Variants in DYNC1I1 observed in about 807,000 individuals in gnomAD.
DYNC1I1 encodes dynein cytoplasmic 1 intermediate chain 1.
A neutral mutation model predicts 86.6 loss-of-function variants in DYNC1I1; 43 were observed. The observed-to-expected ratio is 0.50, with a 90% CI of 0.39 to 0.64. The LOEUF (loss-of-function observed/expected upper bound fraction) is 0.64, where lower values mean the gene tolerates loss of function less well. DYNC1I1 is among the 30% of genes least tolerant of loss of function. The pLI is 0.00. For missense variants in DYNC1I1, 604 were observed against 788.8 expected, an observed-to-expected ratio of 0.77 and a Z score of 2.81; for synonymous variants, 262 against 283.7, an observed-to-expected ratio of 0.92 and a Z score of 0.77.
chr7:95,866,441 T>C (rs1790020167), intron 5 of DYNC1I1, among the ~76,000 whole-genome samples: 1 of 152,182 alleles, frequency 6.6e-6, no homozygotes, highest in Admixed American at 6.5e-5. Flanking sequence ...AGTTTTTAAG[T>C]ACATGGCCCT....
At chr7:96,062,914 G>A (rs1460217905) in intron 14 of DYNC1I1, among the ~76,000 whole-genome samples, 2 of 152,012 alleles carry the variant, frequency 1.3e-5, no homozygotes, top group Admixed American at 1.3e-4. Flanking sequence ...TATAATTTCT[G>A]GTTCAAGCTG....
intron 10 of DYNC1I1, among the ~76,000 whole-genome samples, chr7:96,022,777 A>T (rs1459291677): frequency 3.3e-5 from 5 of 151,942 alleles, no homozygotes; most frequent in Admixed American, 3.3e-4. Context: ...AGACAGGAGG[A>T]TCACTTGAGC....
At chr7:95,824,526 A>G (rs1795163109) in intron 4 of DYNC1I1, among the ~76,000 whole-genome samples, 1 of 152,228 alleles carries the variant, frequency 6.6e-6, no homozygotes, top group Non-Finnish European at 1.5e-5. Flanking sequence ...TATCACCATC[A>G]TTTTATTTTC....
At chr7:95,778,121 A>G (rs964892449) in intron 1 of DYNC1I1, among the ~76,000 whole-genome samples, 4 of 152,224 alleles carry the variant, frequency 2.6e-5, no homozygotes, top group African/African-American at 9.6e-5. Context: ...GTTAAGCACC[A>G]CAGTAAAATT....
intron 14 of DYNC1I1, among the ~76,000 whole-genome samples, chr7:96,047,971 C>T (rs1005470682): frequency 2.0e-5 from 3 of 151,818 alleles, no homozygotes; most frequent in African/African-American, 7.3e-5. Flanking sequence ...ATTGGCAAGA[C>T]TAAAAAAAGG....
chr7:96,045,557 G>A (rs1026949466), intron 14 of DYNC1I1, among the ~76,000 whole-genome samples: 2 of 152,200 alleles, frequency 1.3e-5, no homozygotes, highest in African/African-American at 4.8e-5. Flanking sequence ...GGAGGCCTAA[G>A]AAGCGGTAAA....
chr7:95,987,211 A>T, intron 9 of DYNC1I1, 56 bp downstream of exon 9: 1 of 1,461,480 alleles, frequency 6.8e-7, no homozygotes, highest in Non-Finnish European at 9.5e-7. Flanking sequence ...TGGCATTTGT[A>T]TAAAAAAATA....
At chr7:96,002,449 A>C (rs1351003991) in intron 10 of DYNC1I1, among the ~76,000 whole-genome samples, 1 of 152,198 alleles carries the variant, frequency 6.6e-6, no homozygotes, top group South Asian at 2.1e-4. Context: ...GCCTGGAATT[A>C]TAATTTGGAT....
chr7:95,836,023 A>G (rs554846379), intron 5 of DYNC1I1, among the ~76,000 whole-genome samples: 1,590 of 152,258 alleles, frequency 0.01, 17 homozygotes, highest in South Asian at 0.017. Flanking sequence ...TGATGATGTT[A>G]GCTGGTTGTT....
At chr7:96,051,539 C>A (rs1274909179) in intron 14 of DYNC1I1, among the ~76,000 whole-genome samples, 1 of 152,186 alleles carries the variant, frequency 6.6e-6, no homozygotes, top group Non-Finnish European at 1.5e-5. Flanking sequence ...CTGAATATAT[C>A]TTGACATTGT....
intron 6 of DYNC1I1, among the ~76,000 whole-genome samples, chr7:95,974,878 G>T (rs1793263825): frequency 6.6e-6 from 1 of 152,152 alleles, no homozygotes; most frequent in African/African-American, 2.4e-5. Flanking sequence ...TCCCTGCAAA[G>T]CCTCCTTACC....
intron 16 of DYNC1I1, among the ~76,000 whole-genome samples, chr7:96,108,499 A>G (rs1791254172): frequency 6.6e-6 from 1 of 152,164 alleles, no homozygotes; most frequent in Admixed American, 6.6e-5. Flanking sequence ...AGATTTTTGC[A>G]GAATTTTCAT....
At chr7:95,824,319 A>G (rs1279041043) in intron 4 of DYNC1I1, among the ~76,000 whole-genome samples, 2 of 151,916 alleles carry the variant, frequency 1.3e-5, no homozygotes, top group African/African-American at 2.4e-5. Context: ...ATCTCCTCAT[A>G]AGAGCTGTAG....
At chr7:96,103,159 C>T (rs1335637373), downstream of DYNC1I1, among the ~76,000 whole-genome samples, 1 of 152,034 alleles carries the variant, frequency 6.6e-6, no homozygotes, top group African/African-American at 2.4e-5. Context: ...TCTGTGTGAG[C>T]CGCTGAAAGA....
intron 14 of DYNC1I1, among the ~76,000 whole-genome samples, chr7:96,055,092 G>A (rs1039801410): frequency 1.3e-5 from 2 of 152,152 alleles, no homozygotes; most frequent in African/African-American, 2.4e-5. Flanking sequence ...GGTTTTTATG[G>A]TTTTAGGTCT....
At chr7:95,920,583 T>C (rs965542332) in intron 6 of DYNC1I1, among the ~76,000 whole-genome samples, 8 of 152,218 alleles carry the variant, frequency 5.3e-5, no homozygotes, top group Non-Finnish European at 7.3e-5. Flanking sequence ...AAAAGGAGAC[T>C]GTATTGCCTT....
intron 10 of DYNC1I1, 128 bp from the exon 11 acceptor site, chr7:96,028,043 TCCCA>T: frequency 7.6e-7 from 1 of 1,313,438 alleles, no homozygotes; most frequent in Non-Finnish European, 1.0e-6. Context: ...ACTTTTACAG[TCCCA>T]GCTTTAAATT....
At chr7:95,935,926 C>T (rs1792028932) in intron 6 of DYNC1I1, among the ~76,000 whole-genome samples, 1 of 151,954 alleles carries the variant, frequency 6.6e-6, no homozygotes, top group African/African-American at 2.4e-5. Context: ...TACCTGCTAG[C>T]ATGGTTATTA....
chr7:95,775,266 A>G (rs981556085), intron 1 of DYNC1I1, among the ~76,000 whole-genome samples: 4 of 152,350 alleles, frequency 2.6e-5, no homozygotes, highest in African/African-American at 4.8e-5. Context: ...CTATGAAACA[A>G]TTACACTGGT....
Sources: gnomAD v4.1 joint callset for allele counts (sites outside exome capture counted in the v4.1 genomes callset) on GRCh38, gnomAD v4.1.1 for gene constraint, MANE v1.5 for transcripts, NCBI Gene and HGNC (gene_info 2026-07-23, HGNC 2026-07-21) for gene names.